PTPRG: variants seen among roughly 807,000 people sequenced by gnomAD.
PTPRG encodes receptor-type tyrosine-protein phosphatase gamma.
In PTPRG, 102 loss-of-function variants were observed where a neutral mutation model predicts 165.3. The observed-to-expected ratio is 0.62, with a 90% CI of 0.53 to 0.73. PTPRG has a LOEUF of 0.73. Ranked by LOEUF, PTPRG falls within the 30% of genes least tolerant of loss-of-function variation. The pLI, the probability that PTPRG is intolerant of heterozygous loss-of-function variation, is 0.00. For missense variants in PTPRG, 1,866 were observed against 1,861.4 expected, an observed-to-expected ratio of 1.00 and a Z score of -0.05; for synonymous variants, 675 against 669.5, an observed-to-expected ratio of 1.01 and a Z score of -0.13.
rs375035484 is a variant in PTPRG at position 61,994,365 on chromosome 3, A to C, written c.370+4561A>C. 3.0e-4 allele frequency among the ~76,000 whole-genome samples: 45 copies of C among 152,312 alleles called. No homozygotes were observed. The East Asian group carries it at 5.8e-3, about 20-fold the overall frequency. ...TTTTCTTATATCCCACACTGAGGACAAATAGTAAATGTGTTTACCACAAGG... is the reference window on the plus strand; with the variant it reads ...TTTTCTTATATCCCACACTGAGGACCAATAGTAAATGTGTTTACCACAAGG... On this transcript the variant is annotated intron_variant, in intron 3 of 29. Transcript: ENST00000474889.
chr3:62,051,236 G>C (rs1428280553), intron 4 of PTPRG, among the ~76,000 whole-genome samples: 1 of 152,150 alleles, frequency 6.6e-6, no homozygotes, highest in Non-Finnish European at 1.5e-5. Context: ...GAGTCTCACT[G>C]TCAAATTGAT....
chr3:61,833,219 T>C (rs1280581374), intron 2 of PTPRG, among the ~76,000 whole-genome samples: 1 of 152,138 alleles, frequency 6.6e-6, no homozygotes, highest in Non-Finnish European at 1.5e-5. Flanking sequence ...AAGTTATAAA[T>C]TGAATTCTAC....
At chr3:61,677,866 C>G (rs188704418) in intron 1 of PTPRG, among the ~76,000 whole-genome samples, 1 of 152,078 alleles carries the variant, frequency 6.6e-6, no homozygotes. Flanking sequence ...AGTGTTGGGC[C>G]GTGGATGGGA....
At chr3:62,159,151 C>T (rs1704648880) in intron 7 of PTPRG, among the ~76,000 whole-genome samples, 1 of 151,720 alleles carries the variant, frequency 6.6e-6, no homozygotes, top group Non-Finnish European at 1.5e-5. Context: ...ATGGCAAGAC[C>T]CCAATCTCTG....
Position 62,271,289 on chromosome 3 carries a change from G to C in PTPRG, c.3010-94G>C, listed in dbSNP as rs759960186. ...TGGGAACAGTGATTAGGGTGAATGT[G>C]ATCAGTGGTCATGTGTCCTGACACC... On this transcript the variant is annotated intron_variant, in intron 20 of 29. Coordinates refer to ENST00000474889, the MANE Select transcript of PTPRG (RefSeq NM_002841.4). This position sits in a 1 kb window ranked among gnomAD's most constrained non-coding sequence, Gnocchi z 4.1. 5.2e-5 allele frequency: 56 copies of C among 1,077,482 alleles called. No individual in the cohort carries two copies. The highest frequency in any genetic ancestry group is 7.1e-5 in the Non-Finnish European group (53 of 746,008). The allele number at this position is 1,077,482 out of a possible 1,614,324, so 66.7% of individuals were successfully genotyped here.
At chr3:61,963,729 T>C (rs139430688) in intron 2 of PTPRG, among the ~76,000 whole-genome samples, 148 of 152,340 alleles carry the variant, frequency 9.7e-4, no homozygotes, top group African/African-American at 3.4e-3. Flanking sequence ...ATGGGTTTTT[T>C]GTTAGTTTCT....
At chr3:61,710,573 C>G (rs2031499670) in intron 1 of PTPRG, among the ~76,000 whole-genome samples, 1 of 152,102 alleles carries the variant, frequency 6.6e-6, no homozygotes, top group South Asian at 2.1e-4. Flanking sequence ...AGGCCCAACA[C>G]AAATTCGTAA....
intron 2 of PTPRG, among the ~76,000 whole-genome samples, chr3:61,826,678 G>T (rs561301376): frequency 2.6e-5 from 4 of 152,220 alleles, no homozygotes; most frequent in African/African-American, 9.6e-5. Flanking sequence ...TAAAATACTT[G>T]CTTCTTACTC....
Position 62,037,981 on chromosome 3 carries a change from G to C in PTPRG, c.519+34484G>C, listed in dbSNP as rs541688474. Among the ~76,000 whole-genome samples, 19 of 152,276 alleles carry C rather than the reference G, an allele frequency of 1.2e-4. No individual in the cohort carries two copies. The East Asian group carries it at 3.3e-3, about 26-fold the overall frequency. On this transcript the variant is annotated intron_variant, in intron 4 of 29. Coordinates refer to ENST00000474889, the MANE Select transcript of PTPRG (RefSeq NM_002841.4). ...ATCTACGAATTTCAGGGGAGTAGGG[G>C]TGGGCAAACATTTAGTCCTTAACAC...
At chr3:61,671,753 C>T (rs1702997453) in intron 1 of PTPRG, among the ~76,000 whole-genome samples, 2 of 145,584 alleles carry the variant, frequency 1.4e-5, no homozygotes, top group African/African-American at 2.5e-5. Flanking sequence ...GACGGGGCGG[C>T]TGGCCGGGCG....
intron 2 of PTPRG, among the ~76,000 whole-genome samples, chr3:61,927,295 G>A (rs2039243500): frequency 6.6e-6 from 1 of 152,172 alleles, no homozygotes; most frequent in African/African-American, 2.4e-5. Flanking sequence ...TGGTTTCATG[G>A]TATATCTTCA....
intron 1 of PTPRG, among the ~76,000 whole-genome samples, chr3:61,723,590 A>G (rs934797477): frequency 6.6e-6 from 1 of 152,184 alleles, no homozygotes; most frequent in South Asian, 2.1e-4. Flanking sequence ...TAAAAATACC[A>G]TTAACTTTTA....
chr3:62,288,739 G>C (rs1039632622), intron 28 of PTPRG, among the ~76,000 whole-genome samples: 3 of 151,524 alleles, frequency 2.0e-5, no homozygotes, highest in Non-Finnish European at 1.5e-5. Context: ...TTCTTTAAAT[G>C]CTTATCTTTT....
rs572685347 is a variant in PTPRG at position 62,017,394 on chromosome 3, G to A, written c.519+13897G>A. On this transcript the variant is annotated intron_variant, in intron 4 of 29. Coordinates refer to ENST00000474889, the MANE Select transcript of PTPRG (RefSeq NM_002841.4). ...CTTGCCTCATGCTGTGAGGCTAAGC[G>A]TTAATCGTTTAGCTCAGAAAATGAT... 1.1e-4 allele frequency among the ~76,000 whole-genome samples: 17 copies of A among 151,194 alleles called. No homozygotes were observed. The South Asian group carries it at 3.2e-3, about 28-fold the overall frequency.
At chr3:61,607,325 C>T (rs928484875) in intron 1 of PTPRG, among the ~76,000 whole-genome samples, 1 of 152,288 alleles carries the variant, frequency 6.6e-6, no homozygotes, top group East Asian at 1.9e-4. Flanking sequence ...CATGAGTATC[C>T]TTTAAATACT....
rs755073309 is a variant in PTPRG, at chr3:62,281,574, G to A, written c.3777G>A (p.Glu1259=). ...LPDNQSLAED[E]FVYWPSREES... is the part of the protein sequence containing the mutation. The stretch of plus-strand genomic sequence containing the variant: ...TTTGGATTCCAAAGGCAGAAGATGA[G>A]TTTGTGTACTGGCCAAGTCGAGAAG... Residue 1259 remains glutamate, a synonymous_variant, in exon 27 of 30, where the codon GAG becomes GAA. Coordinates refer to ENST00000474889, the MANE Select transcript of PTPRG (RefSeq NM_002841.4). The A allele has an allele frequency of 3.4e-6, 3 of 880,724 alleles. No individual in the cohort carries two copies. In the East Asian group the frequency reaches 2.5e-4, roughly 72 times the overall value. The allele number at this position is 880,724 out of a possible 1,614,324, so 54.6% of individuals were successfully genotyped here.
intron 15 of PTPRG, among the ~76,000 whole-genome samples, chr3:62,247,260 T>G (rs1701307486): frequency 6.6e-6 from 1 of 152,148 alleles, no homozygotes; most frequent in South Asian, 2.1e-4. Flanking sequence ...ACACTGGAAT[T>G]ATCTCTGTGA....
chr3:61,623,540 A>G (rs1701520270), intron 1 of PTPRG, among the ~76,000 whole-genome samples: 1 of 152,158 alleles, frequency 6.6e-6, no homozygotes, highest in Non-Finnish European at 1.5e-5. Flanking sequence ...TGGGGAATGA[A>G]TGACTTGTTC....
chr3:62,178,154 G>C (rs1193182356), intron 8 of PTPRG, among the ~76,000 whole-genome samples: 1 of 151,728 alleles, frequency 6.6e-6, no homozygotes, highest in East Asian at 1.9e-4. Flanking sequence ...TGGATGGATG[G>C]ATGGATGGAT....
Sources: gnomAD v4.1 joint callset for allele counts (sites outside exome capture counted in the v4.1 genomes callset) on GRCh38, gnomAD v4.1.1 for gene constraint, Gnocchi (gnomAD v3.1) non-coding constraint, MANE v1.5 for transcripts, NCBI Gene and HGNC (gene_info 2026-07-23, HGNC 2026-07-21) for gene names.